The following CCSAP variants were observed in gnomAD, a reference collection of about 807,000 sequenced individuals.
CCSAP encodes the protein centriole, cilia and spindle associated protein.
In CCSAP, 17 loss-of-function variants were observed where a neutral mutation model predicts 25.9. The ratio of observed to expected loss-of-function variants is 0.66; its 90% CI spans 0.45 to 0.99. The LOEUF is 0.99. Among genes scored for constraint, CCSAP ranks in the 50% least tolerant of loss-of-function variants. The probability of loss-of-function intolerance (pLI) is 0.00; values close to 1 mark genes in which losing one functional copy is unlikely to be tolerated. For missense variants in CCSAP, 339 were observed against 367.8 expected, an observed-to-expected ratio of 0.92 and a Z score of 0.64; for synonymous variants, 169 against 157.1, an observed-to-expected ratio of 1.08 and a Z score of -0.57.
chr1:229,325,870 T>C (rs1024357042), intron 3 of CCSAP, among the ~76,000 whole-genome samples: 2 of 152,266 alleles, frequency 1.3e-5, no homozygotes, highest in Non-Finnish European at 2.9e-5. Context: ...AGATAAATCC[T>C]GTTAAAATTA....
rs1658367095 is a variant in CCSAP at position 229,342,604 on chromosome 1, G to A, written c.-48-91C>T. 2 of 516,972 alleles carry A rather than the reference G, an allele frequency of 3.9e-6. No homozygotes were observed. The highest frequency in any genetic ancestry group is 5.9e-6 in the Non-Finnish European group (2 of 338,334). 32.0% of individuals were successfully genotyped at this position (516,972 alleles called of 1,614,324 possible). ...TTTAAACCCGGAGCCCCGCCCGGAC[G>A]GGAGCAGGGGGCGGGTCCCGGCGAG... is the stretch of plus-strand genomic sequence containing the variant. On this transcript the variant is annotated intron_variant, in intron 1 of 3. Transcript: ENST00000284617. The surrounding 1 kb of genome is among the most constrained non-coding windows in gnomAD (Gnocchi z 7.5).
chr1:229,335,882 C>CATCT (rs1468688781), intron 2 of CCSAP, among the ~76,000 whole-genome samples: 5 of 151,936 alleles, frequency 3.3e-5, no homozygotes, highest in African/African-American at 1.2e-4. Flanking sequence ...AGGGGTTCTG[C>CATCT]ATCTGCAGGC....
intron 2 of CCSAP, chr1:229,327,388 G>C (rs1242955378): frequency 2.6e-6 from 1 of 378,366 alleles, no homozygotes; most frequent in Non-Finnish European, 5.3e-6. Context: ...ATCTGGATTT[G>C]TGGTCATCCT....
intron 2 of CCSAP, among the ~76,000 whole-genome samples, chr1:229,328,874 G>A (rs237807): frequency 0.25 from 37,296 of 152,156 alleles, 5,316 homozygotes; most frequent in African/African-American, 0.4. Context: ...AGGAACAGAC[G>A]CTTCATGTCT....
At chr1:229,330,428 C>T (rs1315328010) in intron 2 of CCSAP, among the ~76,000 whole-genome samples, 5 of 152,026 alleles carry the variant, frequency 3.3e-5, no homozygotes, top group Admixed American at 2.6e-4. Context: ...CAAACAGGCC[C>T]GGGGACACCG....
chr1:229,323,660 T>G lies in CCSAP; in HGVS notation c.*1575A>C, dbSNP rs1657876873. Reference sequence around the variant, plus strand: ...TACATCTCAATGATTAGGAGAGATCTGTAAGGAAACAAATTCACCTCAAAA... The same window carrying G: ...TACATCTCAATGATTAGGAGAGATCGGTAAGGAAACAAATTCACCTCAAAA... On this transcript the variant is annotated 3_prime_UTR_variant, in exon 4 of 4. Coordinates refer to ENST00000284617, the MANE Select transcript of CCSAP (RefSeq NM_145257.5). The G allele has an allele frequency of 6.6e-6, 1 of 152,262 alleles. No individual in the cohort carries two copies. Among genetic ancestry groups the G allele is most frequent in the Non-Finnish European group, 1.5e-5 (1 of 68,052 alleles). The allele number at this position is 152,262 out of a possible 1,614,324, so 9.4% of individuals were successfully genotyped here.
At chr1:229,327,119 G>A in intron 2 of CCSAP, 113 bp from the exon 3 acceptor site, 1 of 859,912 alleles carries the variant, frequency 1.2e-6, no homozygotes, top group Admixed American at 3.2e-5. Flanking sequence ...TTCACTTATG[G>A]CTCAACTCAT....
At chr1:229,326,056 CTTTGCT>C (rs1436644863) in intron 3 of CCSAP, among the ~76,000 whole-genome samples, 3 of 152,200 alleles carry the variant, frequency 2.0e-5, no homozygotes, top group African/African-American at 7.2e-5. Flanking sequence ...TAAACGCAGC[CTTTGCT>C]TTAGGCTATC....
intron 2 of CCSAP, among the ~76,000 whole-genome samples, chr1:229,329,877 C>T (rs1181007671): frequency 6.6e-6 from 1 of 152,014 alleles, no homozygotes; most frequent in African/African-American, 2.4e-5. Context: ...TGTGATCTCA[C>T]CTATTTGGTA....
intron 2 of CCSAP, among the ~76,000 whole-genome samples, chr1:229,336,850 T>C (rs1459260931): frequency 6.6e-6 from 1 of 152,166 alleles, no homozygotes; most frequent in Non-Finnish European, 1.5e-5. Context: ...TTTTTTTTAA[T>C]GTAAAGAACA....
intron 2 of CCSAP, among the ~76,000 whole-genome samples, chr1:229,334,902 T>C (rs1195455704): frequency 2.0e-5 from 3 of 151,960 alleles, no homozygotes; most frequent in African/African-American, 7.3e-5. Context: ...AAGGCATCAA[T>C]AAAATTTGGA....
intron 2 of CCSAP, among the ~76,000 whole-genome samples, chr1:229,333,304 G>C (rs530412649): frequency 3.0e-4 from 45 of 152,078 alleles, no homozygotes; most frequent in African/African-American, 9.9e-4. Flanking sequence ...GTGGTGTCAG[G>C]TGCCTGTAGT....
chr1:229,336,612 G>A (rs1210638531), intron 2 of CCSAP, among the ~76,000 whole-genome samples: 4 of 152,034 alleles, frequency 2.6e-5, no homozygotes, highest in Admixed American at 6.6e-5. Flanking sequence ...GGCATCCCCC[G>A]TGCACAGACC....
intron 2 of CCSAP, chr1:229,340,343 A>G (rs1658300928): frequency 4.2e-6 from 3 of 706,874 alleles, no homozygotes; most frequent in South Asian, 3.1e-5. Flanking sequence ...CAGGGAAGAA[A>G]TAACTGAGAG....
At chr1:229,328,265 A>T (rs1414386727) in intron 2 of CCSAP, among the ~76,000 whole-genome samples, 2 of 151,986 alleles carry the variant, frequency 1.3e-5, no homozygotes, top group Non-Finnish European at 2.9e-5. Context: ...TTTGTTTCAG[A>T]TGCTCCAGAG....
In CCSAP at chr1:229,324,217, A is replaced by G. The variant is rs1214489902; in HGVS notation, c.*1018T>C. 1 of 152,600 alleles carries G rather than the reference A, an allele frequency of 6.6e-6. No homozygotes were observed. The highest frequency in any genetic ancestry group is 1.5e-5 in the Non-Finnish European group (1 of 68,032). 9.5% of individuals were successfully genotyped at this position (152,600 alleles called of 1,614,324 possible). On this transcript the variant is annotated 3_prime_UTR_variant, in exon 4 of 4. Transcript: ENST00000284617. ...GTTATTGTTAAGTGCTATAAAGAAA[A>G]AGAGAAAGTAGGGGTGGGCAGTCTA...
In CCSAP at chr1:229,335,344, A is replaced by C. The variant is rs562472352; in HGVS notation, c.367+6755T>G. Among the ~76,000 whole-genome samples, 3 of 151,966 alleles carry C rather than the reference A, an allele frequency of 2.0e-5. No homozygotes were observed. The South Asian group carries it at 6.2e-4, about 32-fold the overall frequency. ...AAAAGAAAGAAAAAAAAAATGAAAG[A>C]GTTGTATGAGGTGCCAGCTTCGTCA... On this transcript the variant is annotated intron_variant, in intron 2 of 3. Coordinates refer to ENST00000284617, the MANE Select transcript of CCSAP (RefSeq NM_145257.5).
chr1:229,342,104 A>G lies in CCSAP; in HGVS notation c.362T>C (p.Leu121Pro). The G allele has an allele frequency of 7.4e-7, 1 of 1,354,366 alleles. No homozygotes were observed. Among genetic ancestry groups the G allele is most frequent in the South Asian group, 2.1e-5 (1 of 47,898 alleles). 83.9% of individuals were successfully genotyped at this position (1,354,366 alleles called of 1,614,324 possible). A position where few individuals can be genotyped will look rare whatever the true frequency, so the allele number is the denominator to read the frequency against. ...AEAEDAEDAA[L>P]PALPVKDVED... The stretch of plus-strand genomic sequence containing the variant: ...CTCCCCTCCGGGCCGGGTACCTGGC[A>G]GAGCCGCGTCCTCCGCGTCCTCGGC... Residue 121 changes from leucine to proline, a missense_variant, in exon 2 of 4, where the codon CTG (leucine) becomes CCG (proline). Leu to Pro is a moderately conservative substitution (Grantham distance 98, BLOSUM62 -3). Coordinates refer to ENST00000284617, the MANE Select transcript of CCSAP (RefSeq NM_145257.5). The surrounding 1 kb of genome is among the most constrained non-coding windows in gnomAD (Gnocchi z 7.5).
intron 2 of CCSAP, 85 bp from the exon 3 acceptor site, chr1:229,327,091 G>A: frequency 8.8e-7 from 1 of 1,140,962 alleles, no homozygotes; most frequent in Non-Finnish European, 1.2e-6. Context: ...AAATCATAAT[G>A]CTTAAGACAG....
Sources: gnomAD v4.1 joint callset for allele counts (sites outside exome capture counted in the v4.1 genomes callset) on GRCh38, gnomAD v4.1.1 for gene constraint, Gnocchi (gnomAD v3.1) non-coding constraint, MANE v1.5 for transcripts, NCBI Gene and HGNC (gene_info 2026-07-23, HGNC 2026-07-21) for gene names.